Variants in LAMA5 observed in about 807,000 individuals in gnomAD.
The protein encoded by LAMA5 is laminin subunit alpha-5.
LAMA5 carries 260 observed loss-of-function variants against 433.4 expected under a neutral mutation model. The observed-to-expected ratio is 0.60, with a 90% CI of 0.54 to 0.66. The LOEUF (loss-of-function observed/expected upper bound fraction) is 0.66. Ranked by LOEUF, LAMA5 falls within the 30% of genes least tolerant of loss-of-function variation. LAMA5 has a pLI of 0.00. For missense variants in LAMA5, 5,378 were observed against 5,258.5 expected (o/e 1.02, Z -0.70); for synonymous variants, 2,620 against 2,226.6 (o/e 1.18, Z -4.97).
In LAMA5 at chr20:62,315,011, G is replaced by A. The variant is rs41303941; in HGVS notation, c.8047+17C>T. Reference sequence around the variant, plus strand: ...TGCCCGCCTCCATCAGGGGCACCGCGAGGGCCATGGGCGCACCTGAGTGGC... The same window carrying A: ...TGCCCGCCTCCATCAGGGGCACCGCAAGGGCCATGGGCGCACCTGAGTGGC... On this transcript the variant is annotated intron_variant, in intron 59 of 79. Coordinates refer to ENST00000252999, the MANE Select transcript of LAMA5 (RefSeq NM_005560.6). 6,370 of 1,580,942 alleles carry A rather than the reference G, an allele frequency of 4.0e-3. 8 individuals are homozygous for A. The highest frequency in any genetic ancestry group is 5.0e-3 in the Non-Finnish European group (5,839 of 1,168,228).
rs975729180 is a variant in LAMA5, at chr20:62,367,257, C to T, written c.-12G>A. 34 of 1,163,704 alleles carry T rather than the reference C, an allele frequency of 2.9e-5. 1 individual carries two copies. The East Asian group carries it at 1.2e-3, about 40-fold the overall frequency. The allele number at this position is 1,163,704 out of a possible 1,614,324, so 72.1% of individuals were successfully genotyped here. On this transcript the variant is annotated 5_prime_UTR_variant, in exon 1 of 80. Transcript: ENST00000252999. Reference sequence around the variant, plus strand: ...AGCCGCTTCGCCATCTTCCCGGCTCCGGGCCGCGTCCCCGAGCTCCAGGGA... The same window carrying T: ...AGCCGCTTCGCCATCTTCCCGGCTCTGGGCCGCGTCCCCGAGCTCCAGGGA...
In LAMA5 at chr20:62,327,550, G is replaced by A; in HGVS notation, c.4917C>T (p.Ser1639=). Residue 1639 remains serine (S), a synonymous_variant, in exon 37 of 80, where the codon AGC becomes AGT. Transcript: ENST00000252999. The part of the protein sequence containing the change: ...FCFGATERCR[S]SSYTRQEFVD... ...GCACCTCCTGGCGGGTGTAGGACGA[G>A]CTCCGGCAGCGCTCCGTGGCCCCAA... The A allele has an allele frequency of 1.2e-6, 2 of 1,612,884 alleles. No homozygotes were observed. Among genetic ancestry groups the A allele is most frequent in the Non-Finnish European group, 8.5e-7 (1 of 1,180,014 alleles).
At position 62,322,095 on chromosome 20, in the gene LAMA5, C is replaced by T. The variant is rs1355142480; in HGVS notation, c.6420G>A (p.Glu2140=). ...RCNCPPGLSG[E]RCDTCSQQHQ... The stretch of plus-strand genomic sequence containing the variant: ...GCTGCTGGCTGCAGGTGTCGCAGCG[C>T]TCCCCGCTGAGCCCCGGGGGGCAGT... The change falls in exon 48 of 80, where the codon GAG becomes GAA. Residue 2140 remains glutamate, a synonymous_variant. Coordinates refer to ENST00000252999, the MANE Select transcript of LAMA5 (RefSeq NM_005560.6). The T allele has an allele frequency of 6.2e-7, 1 of 1,602,330 alleles. No individual in the cohort carries two copies. The highest frequency in any genetic ancestry group is 2.2e-5 in the East Asian group (1 of 44,860).
intron 2 of LAMA5, chr20:62,355,500 G>A (rs937367107): frequency 3.9e-5 from 6 of 152,420 alleles, no homozygotes; most frequent in African/African-American, 9.7e-5. Context: ...AAGGTTCCAG[G>A]ACTCCAGACA....
chr20:62,365,829 G>A (rs895425816), intron 1 of LAMA5, among the ~76,000 whole-genome samples: 8 of 152,164 alleles, frequency 5.3e-5, no homozygotes, highest in Non-Finnish European at 2.9e-5. Context: ...GGACTGTGCT[G>A]GGCTTAAGGA....
chr20:62,317,585 C>G, intron 54 of LAMA5, 77 bp downstream of exon 54: 1 of 1,521,928 alleles, frequency 6.6e-7, no homozygotes. Context: ...CGCAAGTGTG[C>G]ACACAAAGCT....
intron 45 of LAMA5, among the ~76,000 whole-genome samples, chr20:62,323,192 G>C (rs1434463061): frequency 1.4e-5 from 2 of 147,556 alleles, no homozygotes; most frequent in African/African-American, 5.1e-5. Context: ...GATTGTAGTA[G>C]GGAGAAAGGG....
Position 62,359,272 on chromosome 20 carries a change from G to A in LAMA5, c.450+3128C>T, listed in dbSNP as rs1390460453. On this transcript the variant is annotated intron_variant, in intron 2 of 79. Transcript: ENST00000252999. The surrounding 1 kb of genome is among the most constrained non-coding windows in gnomAD (Gnocchi z 4.3). ...CCCACGGTCAGGCCACCCAGGGGCC[G>A]ACTGGAGAGGGAGGGGACACAGGCC... 6.6e-6 allele frequency among the ~76,000 whole-genome samples: 1 copy of A among 152,110 alleles called. No homozygotes were observed. The highest frequency in any genetic ancestry group is 1.5e-5 in the Non-Finnish European group (1 of 67,994).
intron 2 of LAMA5, among the ~76,000 whole-genome samples, chr20:62,353,648 A>G (rs1252202840): frequency 2.6e-5 from 4 of 152,076 alleles, no homozygotes; most frequent in African/African-American, 9.7e-5. Context: ...AACACACCCC[A>G]GTGTCCCCAC....
At chr20:62,351,130 G>A (rs921693793) in intron 6 of LAMA5, 1 of 167,660 alleles carries the variant, frequency 6.0e-6, no homozygotes, top group African/African-American at 2.4e-5. Flanking sequence ...GGGCACAGCA[G>A]ATGTGGGGTG....
rs751185287 is a variant in LAMA5 at position 62,318,946 on chromosome 20, G to C, written c.6939C>G (p.Leu2313=). The stretch of plus-strand genomic sequence containing the variant: ...GCCGCTCCACCTCGGCCAGTGTCCG[G>C]AGCAGCTGCTCACCTGATGGAGCCG... ...NASAPSGEQL[L]RTLAEVERLL... is the part of the protein sequence containing the mutation. The change falls in exon 52 of 80, where the codon CTC becomes CTG. Residue 2313 remains leucine (L), a synonymous_variant. Transcript: ENST00000252999. 1 of 1,597,544 alleles carries C rather than the reference G, an allele frequency of 6.3e-7. No individual in the cohort carries two copies. Among genetic ancestry groups the C allele is most frequent in the Non-Finnish European group, 8.5e-7 (1 of 1,174,392 alleles).
In LAMA5 at chr20:62,313,219, C is replaced by T. The variant is rs2146047947; in HGVS notation, c.8824G>A (p.Asp2942Asn). The T allele has an allele frequency of 6.6e-7, 1 of 1,512,866 alleles. No homozygotes were observed. Among genetic ancestry groups the T allele is most frequent in the African/African-American group, 1.4e-5 (1 of 71,596 alleles). 93.7% of individuals were successfully genotyped at this position (1,512,866 alleles called of 1,614,324 possible). The change falls in exon 65 of 80, where the codon GAC becomes AAC. Residue 2942 changes from aspartate (D) to asparagine (N), a missense_variant. Asp to Asn is a conservative substitution (Grantham distance 23). Coordinates refer to ENST00000252999, the MANE Select transcript of LAMA5 (RefSeq NM_005560.6). ...SKSTGDPWLT[D>N]GSYLDGTGFA... The stretch of plus-strand genomic sequence containing the variant: ...CCGGTGCCGTCCAGGTAGGAGCCGT[C>T]CGTGAGCCACGGGTCCCCGGTCGAC...
chr20:62,332,474 C>T lies in LAMA5; in HGVS notation c.3450G>A (p.Leu1150=). 4 of 1,612,388 alleles carry T rather than the reference C, an allele frequency of 2.5e-6. No homozygotes were observed. Among genetic ancestry groups the T allele is most frequent in the Non-Finnish European group, 2.5e-6 (3 of 1,179,772 alleles). The part of the protein sequence containing the change: ...LSLHPCLYST[L]CRGTARDTQD... The stretch of plus-strand genomic sequence containing the variant: ...GGGTATCCCGGGCAGTGCCCCGGCA[C>T]AGGGTGCTGTGGGGGGAGGGTGGTC... The change falls in exon 28 of 80, where the codon CTG becomes CTA. Residue 1150 remains leucine, a synonymous_variant. Transcript: ENST00000252999.
chr20:62,367,229 C>A lies in LAMA5; in HGVS notation c.17G>T (p.Cys6Phe). The A allele has an allele frequency of 8.4e-7, 1 of 1,193,306 alleles. No individual in the cohort carries two copies. Among genetic ancestry groups the A allele is most frequent in the Non-Finnish European group, 1.0e-6 (1 of 965,010 alleles). The allele number at this position is 1,193,306 out of a possible 1,614,324, so 73.9% of individuals were successfully genotyped here. Residue 6 changes from cysteine to phenylalanine, a missense_variant, in exon 1 of 80, where the codon TGC becomes TTC. Cys to Phe is a radical substitution (Grantham distance 205, BLOSUM62 -2). Transcript: ENST00000252999. ...GCGAACACACAGTGCGCTCCCCGCGCAGAGCCGCTTCGCCATCTTCCCGGC... is the reference window on the plus strand; with the variant it reads ...GCGAACACACAGTGCGCTCCCCGCGAAGAGCCGCTTCGCCATCTTCCCGGC... MAKRL[C>F]AGSALCVRGP...
rs578173746 is a variant in LAMA5, at chr20:62,353,117, C to A, written c.568+17G>T. 2.0e-4 allele frequency: 307 copies of A among 1,543,404 alleles called. 6 individuals are homozygous for A. The South Asian group carries it at 3.4e-3, about 17-fold the overall frequency. ...CCCCTGCCTCTCCCCCCAGGCCCCA[C>A]GGCGGCAGAGACTCACAGGCAAAGA... On this transcript the variant is annotated intron_variant, in intron 3 of 79. Transcript: ENST00000252999.
chr20:62,351,356 C>T lies in LAMA5; in HGVS notation c.956+348G>A, dbSNP rs543382577. ...AGTCTTGGAGTCGGGGATCAATCAT[C>T]CCCATTGCTGACTCCCCTCCACAGG... On this transcript the variant is annotated intron_variant, in intron 6 of 79. Transcript: ENST00000252999. 36 of 431,756 alleles carry T rather than the reference C, an allele frequency of 8.3e-5. 1 individual carries two copies. The highest frequency in any genetic ancestry group is 5.1e-4 in the Admixed American group (14 of 27,360). 26.7% of individuals were successfully genotyped at this position (431,756 alleles called of 1,614,324 possible).
Position 62,326,880 on chromosome 20 carries a change from C to T in LAMA5, c.5199G>A (p.Pro1733=), listed in dbSNP as rs755783836. The part of the protein sequence containing the change: ...GDVFVPMESR[P]DVVLQGNQMS... ...GCTCCCTCACCTGCAGCACCACATC[C>T]GGCCTGCTCTCCATGGGGACAAAGA... Residue 1733 remains proline, a synonymous_variant, in exon 39 of 80, where the codon CCG becomes CCA. Coordinates refer to ENST00000252999, the MANE Select transcript of LAMA5 (RefSeq NM_005560.6). The T allele has an allele frequency of 8.7e-6, 14 of 1,611,696 alleles. No individual in the cohort carries two copies. The highest frequency in any genetic ancestry group is 7.7e-5 in the South Asian group (7 of 90,996).
chr20:62,339,231 CTTTTTTTTTTT>C (rs151158845), intron 11 of LAMA5, among the ~76,000 whole-genome samples: 22 of 55,960 alleles, frequency 3.9e-4, no homozygotes, highest in Non-Finnish European at 6.3e-4. Flanking sequence ...ATTATAGTTT[CTTTTTTTTTTT>C]TTTTTTTTTT....
chr20:62,309,840 G>A lies in LAMA5; in HGVS notation c.10829-5C>T. On this transcript the variant is annotated splice_region_variant and splice_polypyrimidine_tract_variant and intron_variant, in intron 78 of 79. Transcript: ENST00000252999. ...GCACATTCCCGCTTTTCATCACTGG[G>A]AGAAAGGGGGACTCCTGAGGCCAGG... 1.2e-6 allele frequency: 2 copies of A among 1,611,524 alleles called. No homozygotes were observed. The highest frequency in any genetic ancestry group is 1.7e-6 in the Non-Finnish European group (2 of 1,179,626).
Sources: gnomAD v4.1 joint callset for allele counts (sites outside exome capture counted in the v4.1 genomes callset) on GRCh38, gnomAD v4.1.1 for gene constraint, Gnocchi (gnomAD v3.1) non-coding constraint, MANE v1.5 for transcripts, NCBI Gene and HGNC (gene_info 2026-07-23, HGNC 2026-07-21) for gene names.